Variants in PPM1D observed in about 807,000 individuals in gnomAD.
PPM1D encodes the protein protein phosphatase, Mg2+/Mn2+ dependent 1D.
A neutral mutation model predicts 58.3 loss-of-function variants in PPM1D; 52 were observed. The observed-to-expected ratio is 0.89, with a 90% CI of 0.71 to 1.12. The LOEUF is 1.12. PPM1D is among the 50% of genes most tolerant of loss of function. The probability of loss-of-function intolerance (pLI) is 0.00; values close to 1 mark genes in which losing one functional copy is unlikely to be tolerated. For missense variants in PPM1D, 564 were observed against 777.2 expected, an observed-to-expected ratio of 0.73 and a Z score of 3.26; for synonymous variants, 278 against 285.1, an observed-to-expected ratio of 0.98 and a Z score of 0.25.
In PPM1D at chr17:60,647,921, G is replaced by A; in HGVS notation, c.856G>A (p.Gly286Ser). Residue 286 changes from glycine (G) to serine (S), a missense_variant, in exon 4 of 6, where the codon GGT becomes AGT. By Grantham distance (56) the Gly-to-Ser change is moderately conservative. This residue lies in a region of PPM1D where 95 missense variants were observed against 232.6 expected (regional missense o/e 0.41). Coordinates refer to ENST00000305921, the MANE Select transcript of PPM1D (RefSeq NM_003620.4). Reference sequence around the variant, plus strand: ...TTTGTGGAGCTATGATTTCTTCAGTGGTGAATTTGTGGTGTCACCTGAACC... The same window carrying A: ...TTTGTGGAGCTATGATTTCTTCAGTAGTGAATTTGTGGTGTCACCTGAACC... The part of the protein sequence containing the change: ...GDLWSYDFFS[G>S]EFVVSPEPDT... 6.2e-7 allele frequency: 1 copy of A among 1,613,226 alleles called. No homozygotes were observed. The highest frequency in any genetic ancestry group is 1.1e-5 in the South Asian group (1 of 90,986).
chr17:60,655,813 T>G (rs987951151), intron 4 of PPM1D, among the ~76,000 whole-genome samples: 1 of 152,020 alleles, frequency 6.6e-6, no homozygotes, highest in African/African-American at 2.4e-5. Context: ...GCGATTCTCC[T>G]GCCTCAGCCT....
chr17:60,611,909 G>A (rs2143632262), intron 1 of PPM1D, among the ~76,000 whole-genome samples: 1 of 152,026 alleles, frequency 6.6e-6, no homozygotes, highest in East Asian at 1.9e-4. Context: ...CTTCTAAGAG[G>A]TATACAGCTC....
intron 1 of PPM1D, among the ~76,000 whole-genome samples, chr17:60,602,307 G>T (rs555928304): frequency 6.6e-6 from 1 of 152,302 alleles, no homozygotes; most frequent in East Asian, 1.9e-4. Flanking sequence ...ACTAGGCACA[G>T]AACTATTTAG....
intron 2 of PPM1D, among the ~76,000 whole-genome samples, chr17:60,630,131 A>C (rs936681166): frequency 6.6e-6 from 1 of 152,134 alleles, no homozygotes; most frequent in African/African-American, 2.4e-5. Flanking sequence ...TGAGGTTAGA[A>C]GTTTGAGACC....
chr17:60,633,358 A>G (rs917933273), intron 2 of PPM1D, among the ~76,000 whole-genome samples: 3 of 152,030 alleles, frequency 2.0e-5, no homozygotes, highest in Non-Finnish European at 4.4e-5. Context: ...AACACTCAGA[A>G]CCCTATAACC....
At chr17:60,634,018 T>A in intron 3 of PPM1D, 41 bp downstream of exon 3, 1 of 1,602,192 alleles carries the variant, frequency 6.2e-7, no homozygotes, top group Non-Finnish European at 8.5e-7. Flanking sequence ...TTGAATTTTC[T>A]ACAATATATG....
chr17:60,634,182 G>A (rs1422141051), intron 3 of PPM1D, among the ~76,000 whole-genome samples: 1 of 152,182 alleles, frequency 6.6e-6, no homozygotes, highest in Non-Finnish European at 1.5e-5. Context: ...AGGCTGAGGT[G>A]GGCGGATCTC....
intron 1 of PPM1D, among the ~76,000 whole-genome samples, chr17:60,608,450 A>G (rs1456438915): frequency 6.6e-6 from 1 of 152,156 alleles, no homozygotes; most frequent in Non-Finnish European, 1.5e-5. Flanking sequence ...TCATGAGGTC[A>G]AGAACCTGAT....
At chr17:60,619,616 T>A (rs530151490) in intron 1 of PPM1D, among the ~76,000 whole-genome samples, 56 of 151,710 alleles carry the variant, frequency 3.7e-4, no homozygotes, top group African/African-American at 1.3e-3. Context: ...ATTTTTTTAA[T>A]TTTTTTTTAG....
intron 4 of PPM1D, among the ~76,000 whole-genome samples, chr17:60,654,048 G>T (rs1478798499): frequency 1.3e-5 from 2 of 151,980 alleles, no homozygotes; most frequent in Non-Finnish European, 2.9e-5. Flanking sequence ...CTCTGGCCGG[G>T]ACTTCCAGTA....
intron 4 of PPM1D, among the ~76,000 whole-genome samples, chr17:60,654,677 C>T (rs1045277751): frequency 8.6e-5 from 13 of 151,474 alleles, no homozygotes; most frequent in Admixed American, 1.3e-4. Flanking sequence ...GCCTGGCCAA[C>T]GTGGTGAAAC....
intron 1 of PPM1D, among the ~76,000 whole-genome samples, chr17:60,603,394 T>C (rs912523848): frequency 1.3e-5 from 2 of 152,204 alleles, no homozygotes; most frequent in African/African-American, 2.4e-5. Context: ...AAAAACACTT[T>C]TTTCCCCAAA....
At chr17:60,614,293 C>G (rs1412828326) in intron 1 of PPM1D, among the ~76,000 whole-genome samples, 1 of 152,142 alleles carries the variant, frequency 6.6e-6, no homozygotes, top group Non-Finnish European at 1.5e-5. Context: ...ATCTTTATGT[C>G]TAGCCAAGGT....
chr17:60,647,825 A>T, intron 3 of PPM1D, 67 bp from the exon 4 acceptor site: 1 of 1,438,066 alleles, frequency 7.0e-7, no homozygotes, highest in South Asian at 1.2e-5. Flanking sequence ...TTTCTCTTTT[A>T]ATCTGTTGCT....
At chr17:60,654,623 A>G (rs551698516) in intron 4 of PPM1D, among the ~76,000 whole-genome samples, 14 of 151,942 alleles carry the variant, frequency 9.2e-5, no homozygotes, top group African/African-American at 1.9e-4. Context: ...GAACTTTGGG[A>G]GGCCGAGGCA....
chr17:60,663,425 C>T lies in PPM1D; in HGVS notation c.1691C>T (p.Ala564Val), dbSNP rs769755202. Residue 564 changes from alanine to valine, a missense_variant, in exon 6 of 6, where the codon GCA becomes GTA. Ala to Val is a moderately conservative substitution (Grantham distance 64, BLOSUM62 0). Coordinates refer to ENST00000305921, the MANE Select transcript of PPM1D (RefSeq NM_003620.4). Reference sequence around the variant, plus strand: ...AGTCGAAGTAGTGGTGCTCAGCCTGCAAGTCTCCCCACAACCTCACAGCGA... The same window carrying T: ...AGTCGAAGTAGTGGTGCTCAGCCTGTAAGTCTCCCCACAACCTCACAGCGA... Reference protein sequence around the residue: ...GLSRSSGAQPASLPTTSQRKN... With the variant: ...GLSRSSGAQPVSLPTTSQRKN... 1 of 1,614,092 alleles carries T rather than the reference C, an allele frequency of 6.2e-7. No individual in the cohort carries two copies.
chr17:60,621,917 G>C, intron 1 of PPM1D, among the ~76,000 whole-genome samples: 1 of 149,316 alleles, frequency 6.7e-6, no homozygotes, highest in Non-Finnish European at 1.5e-5. Flanking sequence ...GCCAGGCGTG[G>C]TGGCTCACGC....
In PPM1D at chr17:60,619,295, C is replaced by T. The variant is rs112618596; in HGVS notation, c.473-4226C>T. On this transcript the variant is annotated intron_variant, in intron 1 of 5. Coordinates refer to ENST00000305921, the MANE Select transcript of PPM1D (RefSeq NM_003620.4). ...TTATTTATTTATCTCTTGCTGGATA[C>T]TTAGATTGTTTTCATATCTTGGATG... Among the ~76,000 whole-genome samples the T allele has an allele frequency of 3.8e-3, 577 of 150,950 alleles. 1 individual carries two copies. The highest frequency in any genetic ancestry group is 0.013 in the African/African-American group (544 of 41,048).
At position 60,619,863 on chromosome 17, in the gene PPM1D, G is replaced by T. The variant is rs368802428; in HGVS notation, c.473-3658G>T. On this transcript the variant is annotated intron_variant, in intron 1 of 5. Coordinates refer to ENST00000305921, the MANE Select transcript of PPM1D (RefSeq NM_003620.4). ...GATCTTCCTGTCTCATTTTGTTTTT[G>T]ATTTGAATTTCCGTCATGATGCTTG... Among the ~76,000 whole-genome samples the T allele has an allele frequency of 3.3e-4, 50 of 152,166 alleles. No homozygotes were observed. In the East Asian group the frequency reaches 8.5e-3, roughly 26 times the overall value.
Sources: allele counts gnomAD v4.1 joint callset (sites outside exome capture counted in the v4.1 genomes callset), GRCh38; gene constraint gnomAD v4.1.1; regional missense constraint gnomAD v4.1.1; transcripts MANE v1.5; gene names NCBI Gene and HGNC (gene_info 2026-07-23, HGNC 2026-07-21).